The following STIM1 variants were observed in gnomAD, a reference collection of about 807,000 sequenced individuals.
STIM1 encodes stromal interaction molecule 1.
A neutral mutation model predicts 74.7 loss-of-function variants in STIM1; 25 were observed. That is an observed-to-expected ratio of 0.33 (90% CI 0.24 to 0.47). The LOEUF (loss-of-function observed/expected upper bound fraction) is 0.47, where lower values mean the gene tolerates loss of function less well. STIM1 is among the 20% of genes least tolerant of loss of function. The probability of loss-of-function intolerance (pLI) is 1.00; values close to 1 mark genes in which losing one functional copy is unlikely to be tolerated. For missense variants in STIM1, 728 were observed against 920.8 expected, an observed-to-expected ratio of 0.79 and a Z score of 2.71; for synonymous variants, 328 against 348.8, an observed-to-expected ratio of 0.94 and a Z score of 0.66.
chr11:3,987,166 C>A (rs1238322765), intron 2 of STIM1, among the ~76,000 whole-genome samples: 1 of 152,050 alleles, frequency 6.6e-6, no homozygotes, highest in African/African-American at 2.4e-5. Context: ...GTATGAGCCC[C>A]CTTGTCAAGG....
intron 1 of STIM1, among the ~76,000 whole-genome samples, chr11:3,951,780 G>T (rs1189227458): frequency 6.6e-6 from 1 of 152,136 alleles, no homozygotes; most frequent in Non-Finnish European, 1.5e-5. Flanking sequence ...CCAGCAGAAA[G>T]CCATTTGAGG....
chr11:4,088,468 T>G (rs1590701321), intron 12 of STIM1: 13 of 487,446 alleles, frequency 2.7e-5, no homozygotes, highest in Non-Finnish European at 4.9e-5. Context: ...GGATTATTAC[T>G]CAGCAGAGCC....
intron 2 of STIM1, among the ~76,000 whole-genome samples, chr11:4,004,987 C>T (rs1407883655): frequency 3.3e-5 from 5 of 152,204 alleles, no homozygotes; most frequent in Non-Finnish European, 7.3e-5. Context: ...AGAAAATGCT[C>T]ATCATCACTG....
intron 2 of STIM1, among the ~76,000 whole-genome samples, chr11:4,018,645 CA>C (rs576391881): frequency 0.019 from 1,055 of 55,286 alleles, 5 homozygotes; most frequent in African/African-American, 0.033. Flanking sequence ...AACTCTGTCT[CA>C]AAAAAAAAAA....
At chr11:3,896,196 A>AG (rs2092167373) in intron 1 of STIM1, among the ~76,000 whole-genome samples, 1 of 151,352 alleles carries the variant, frequency 6.6e-6, no homozygotes, top group African/African-American at 2.4e-5. Flanking sequence ...GAGCCACTGC[A>AG]CCTGGCCGGA....
intron 1 of STIM1, among the ~76,000 whole-genome samples, chr11:3,960,110 A>G (rs1448109085): frequency 6.6e-6 from 1 of 152,256 alleles, no homozygotes; most frequent in African/African-American, 2.4e-5. Flanking sequence ...TTTGATGGTT[A>G]TCTCAAGGAA....
intron 2 of STIM1, among the ~76,000 whole-genome samples, chr11:4,013,771 C>T (rs1350825746): frequency 2.5e-5 from 3 of 122,092 alleles, no homozygotes; most frequent in Non-Finnish European, 4.7e-5. Context: ...GTGGCATGAT[C>T]TTGGCTCACT....
At chr11:3,869,261 A>G (rs954412897) in intron 1 of STIM1, among the ~76,000 whole-genome samples, 2 of 152,170 alleles carry the variant, frequency 1.3e-5, no homozygotes, top group Admixed American at 6.5e-5. Flanking sequence ...GAGCCACCGC[A>G]CCTGGCCTGA....
intron 1 of STIM1, among the ~76,000 whole-genome samples, chr11:3,958,796 C>G (rs2093249977): frequency 6.6e-6 from 1 of 151,946 alleles, no homozygotes; most frequent in South Asian, 2.1e-4. Context: ...ATGGTGAAAC[C>G]CCGTCTGTAC....
rs572294254 is a variant in STIM1, at chr11:4,062,479, G to A, written c.613+3083G>A. On this transcript the variant is annotated intron_variant, in intron 5 of 12. Coordinates refer to ENST00000526596, the MANE Select transcript of STIM1 (RefSeq NM_001382567.1). ...TACTAAAAAAATACAAAAATTAGCC[G>A]GGTGTGGTGGCACATGACTGTAATC... Among the ~76,000 whole-genome samples, 32 of 152,228 alleles carry A rather than the reference G, an allele frequency of 2.1e-4. 1 individual carries two copies. Among genetic ancestry groups the A allele is most frequent in the Admixed American group, 9.2e-4 (14 of 15,294 alleles).
In STIM1 at chr11:3,958,730, G is replaced by A. The variant is rs139758762; in HGVS notation, c.140-8822G>A. Among the ~76,000 whole-genome samples the A allele has an allele frequency of 6.4e-4, 98 of 152,142 alleles. 2 individuals are homozygous for A. In the East Asian group the frequency reaches 0.012, roughly 19 times the overall value. ...CACACCTGTAATTCCAGCACTTTGG[G>A]AGACTGAGGCGGGTGGATCACCTCA... On this transcript the variant is annotated intron_variant, in intron 1 of 12. Transcript: ENST00000526596.
chr11:4,078,696 G>A (rs774779062), intron 7 of STIM1, among the ~76,000 whole-genome samples: 15 of 151,428 alleles, frequency 9.9e-5, no homozygotes, highest in Non-Finnish European at 1.6e-4. Context: ...TCAGCCTCCC[G>A]AAAAGCTGGG....
intron 1 of STIM1, among the ~76,000 whole-genome samples, chr11:3,893,582 C>T (rs558230734): frequency 6.6e-6 from 1 of 152,062 alleles, no homozygotes; most frequent in Admixed American, 6.5e-5. Context: ...CTTCCACTTT[C>T]TTGCTCATTA....
chr11:3,900,010 A>G lies in STIM1; in HGVS notation c.139+43601A>G, dbSNP rs567627885. On this transcript the variant is annotated intron_variant, in intron 1 of 12. Transcript: ENST00000526596. The stretch of plus-strand genomic sequence containing the variant: ...GGTTGTGTCTCTGCCCAGCTTTGGT[A>G]TCAGGATGATGCTGGCCTCATAAAT... Among the ~76,000 whole-genome samples the G allele has an allele frequency of 3.7e-4, 57 of 152,226 alleles. 1 individual carries two copies. In the South Asian group the frequency reaches 0.01, roughly 28 times the overall value.
At chr11:3,897,826 C>G (rs1042040633) in intron 1 of STIM1, among the ~76,000 whole-genome samples, 2 of 152,052 alleles carry the variant, frequency 1.3e-5, no homozygotes, top group African/African-American at 4.8e-5. Context: ...CATCCATGTC[C>G]CTACAAAGGA....
chr11:3,891,487 G>T (rs1298315019), intron 1 of STIM1, among the ~76,000 whole-genome samples: 4 of 152,110 alleles, frequency 2.6e-5, no homozygotes, highest in African/African-American at 9.6e-5. Flanking sequence ...GTTTCAACAT[G>T]TTGGCCAGGC....
At chr11:3,938,358 C>T (rs1221237451) in intron 1 of STIM1, among the ~76,000 whole-genome samples, 2 of 152,132 alleles carry the variant, frequency 1.3e-5, no homozygotes, top group African/African-American at 4.8e-5. Flanking sequence ...GCTTTGCATA[C>T]CAAGGGGTGT....
At chr11:3,905,187 G>C (rs1338533152) in intron 1 of STIM1, among the ~76,000 whole-genome samples, 1 of 152,096 alleles carries the variant, frequency 6.6e-6, no homozygotes, top group Non-Finnish European at 1.5e-5. Context: ...CTGAGTCATT[G>C]GTGACCATGG....
rs757148575 is a variant in STIM1, at chr11:4,082,359, C to T, written c.1137+8C>T. On this transcript the variant is annotated splice_region_variant and intron_variant, in intron 8 of 12. Coordinates refer to ENST00000526596, the MANE Select transcript of STIM1 (RefSeq NM_001382567.1). ...CTGGTGGCCAAGGAGGGGGTGAGAA[C>T]AGCCCTTCTATTGTCCTCTTTTCTC... 9.3e-6 allele frequency: 15 copies of T among 1,607,028 alleles called. No homozygotes were observed. Among genetic ancestry groups the T allele is most frequent in the African/African-American group, 1.3e-5 (1 of 74,772 alleles).
Sources: allele counts gnomAD v4.1 joint callset (sites outside exome capture counted in the v4.1 genomes callset), GRCh38; gene constraint gnomAD v4.1.1; transcripts MANE v1.5; gene names NCBI Gene and HGNC (gene_info 2026-07-23, HGNC 2026-07-21).